The following CLSTN2 variants were observed in gnomAD, a reference collection of about 807,000 sequenced individuals.
CLSTN2 encodes calsyntenin-2.
A neutral mutation model predicts 101.2 loss-of-function variants in CLSTN2; 48 were observed. The observed-to-expected ratio is 0.47, with a 90% CI of 0.38 to 0.60. CLSTN2 has a LOEUF of 0.60. Ranked by LOEUF, CLSTN2 falls within the 20% of genes least tolerant of loss-of-function variation. The probability of loss-of-function intolerance (pLI) is 0.00; values close to 1 mark genes in which losing one functional copy is unlikely to be tolerated. For synonymous variants in CLSTN2, 481 were observed against 463.6 expected (o/e 1.04, Z -0.48); for missense variants, 1,160 against 1,238.2 (o/e 0.94, Z 0.95).
chr3:140,064,559 A>G (rs553842033), intron 1 of CLSTN2, among the ~76,000 whole-genome samples: 1 of 152,362 alleles, frequency 6.6e-6, no homozygotes, highest in South Asian at 2.1e-4. Context: ...TTACTAGAAC[A>G]ACCAAAACTT....
At chr3:140,338,959 C>T (rs2087467401) in intron 2 of CLSTN2, among the ~76,000 whole-genome samples, 1 of 152,278 alleles carries the variant, frequency 6.6e-6, no homozygotes, top group Admixed American at 6.5e-5. Context: ...GATGAGTATT[C>T]CCGCCGCCTG....
chr3:140,553,430 G>A (rs1935743472), intron 10 of CLSTN2, among the ~76,000 whole-genome samples: 1 of 152,138 alleles, frequency 6.6e-6, no homozygotes, highest in Non-Finnish European at 1.5e-5. Context: ...CTCCAAAGTT[G>A]CATTTTGTAC....
intron 1 of CLSTN2, among the ~76,000 whole-genome samples, chr3:139,987,551 C>T (rs902534578): frequency 3.9e-5 from 6 of 152,152 alleles, no homozygotes; most frequent in Admixed American, 6.5e-5. Context: ...ATTATGCCAT[C>T]GGCTTAGAGC....
At chr3:140,069,427 C>A (rs939434839) in intron 1 of CLSTN2, among the ~76,000 whole-genome samples, 6 of 152,160 alleles carry the variant, frequency 3.9e-5, no homozygotes, top group African/African-American at 1.4e-4. Context: ...AAAGCAGACC[C>A]CAACTAGTGG....
intron 2 of CLSTN2, among the ~76,000 whole-genome samples, chr3:140,311,287 CTTTTTTTTTTTTTTTTTTTTTTT>C: frequency 1.9e-5 from 1 of 52,064 alleles, no homozygotes; most frequent in Admixed American, 2.9e-4. Flanking sequence ...GTTTATTATC[CTTTTTTTTTTTTTTTTTTTTTTT>C]TTTTTTTTTT....
At chr3:140,297,804 G>A (rs528818842) in intron 2 of CLSTN2, among the ~76,000 whole-genome samples, 83 of 152,326 alleles carry the variant, frequency 5.4e-4, no homozygotes, top group African/African-American at 1.9e-3. Flanking sequence ...CTATGTGGCT[G>A]ATACGTGGGC....
intron 2 of CLSTN2, among the ~76,000 whole-genome samples, chr3:140,299,709 G>A (rs941152086): frequency 6.6e-6 from 1 of 152,176 alleles, no homozygotes; most frequent in African/African-American, 2.4e-5. Flanking sequence ...ATTGAAAAGT[G>A]ATTTTCAGAG....
chr3:140,080,104 A>G (rs2008563711), intron 1 of CLSTN2, among the ~76,000 whole-genome samples: 2 of 152,234 alleles, frequency 1.3e-5, no homozygotes, highest in South Asian at 4.1e-4. Flanking sequence ...GAGTGAGGCC[A>G]GAGTTCATAC....
chr3:140,214,979 G>C (rs921102827), intron 2 of CLSTN2, among the ~76,000 whole-genome samples: 4 of 152,164 alleles, frequency 2.6e-5, no homozygotes, highest in African/African-American at 9.7e-5. Flanking sequence ...AACACTTATG[G>C]ATTCTGCATT....
In CLSTN2 at chr3:140,556,561, A is replaced by G. The variant is rs1320163868; in HGVS notation, c.1723A>G (p.Ile575Val). 2 of 1,613,956 alleles carry G rather than the reference A, an allele frequency of 1.2e-6. No homozygotes were observed. Among genetic ancestry groups the G allele is most frequent in the African/African-American group, 1.3e-5 (1 of 74,914 alleles). ...CATCCTGGTGATGGAAGGTGACGAC[A>G]TTGGGAACATTAACCGTGCTCTCCA... ...QSILVMEGDD[I>V]GNINRALQKV... Residue 575 changes from isoleucine to valine, a missense_variant, in exon 11 of 17, where the codon ATT becomes GTT. By Grantham distance (29) the Ile-to-Val change is conservative (BLOSUM62 3). Transcript: ENST00000458420.
intron 1 of CLSTN2, among the ~76,000 whole-genome samples, chr3:140,004,582 C>G (rs936072181): frequency 2.2e-4 from 33 of 152,218 alleles, no homozygotes; most frequent in Non-Finnish European, 2.6e-4. Context: ...AGCTAGCTCC[C>G]TGCTGTTCAT....
chr3:140,467,662 G>T (rs189309287), intron 8 of CLSTN2, among the ~76,000 whole-genome samples: 1 of 151,864 alleles, frequency 6.6e-6, no homozygotes, highest in South Asian at 2.1e-4. Context: ...TCTTTACTTC[G>T]TCCAAAGCCC....
chr3:140,013,712 A>C (rs192052380), intron 1 of CLSTN2, among the ~76,000 whole-genome samples: 19 of 151,894 alleles, frequency 1.3e-4, no homozygotes, highest in Admixed American at 9.8e-4. Flanking sequence ...TGTCATAATC[A>C]CCAAACTAAA....
At chr3:140,049,887 T>C (rs2007957512) in intron 1 of CLSTN2, among the ~76,000 whole-genome samples, 1 of 152,168 alleles carries the variant, frequency 6.6e-6, no homozygotes, top group Non-Finnish European at 1.5e-5. Flanking sequence ...CCAGATCTCT[T>C]CTCTACTTTC....
chr3:140,074,394 A>G (rs2008451461), intron 1 of CLSTN2, among the ~76,000 whole-genome samples: 1 of 152,140 alleles, frequency 6.6e-6, no homozygotes, highest in Non-Finnish European at 1.5e-5. Context: ...GCATGTCGAC[A>G]ACCTGGGTTG....
intron 1 of CLSTN2, among the ~76,000 whole-genome samples, chr3:140,126,467 C>CAA (rs1038923220): frequency 8.6e-5 from 13 of 151,708 alleles, no homozygotes; most frequent in African/African-American, 3.1e-4. Context: ...CATACTTGTG[C>CAA]AAAAAAAGCC....
chr3:140,175,662 T>C (rs1352287613), intron 1 of CLSTN2, among the ~76,000 whole-genome samples: 1 of 152,190 alleles, frequency 6.6e-6, no homozygotes, highest in Non-Finnish European at 1.5e-5. Context: ...ATACAAATAA[T>C]GGGATTTTGA....
intron 1 of CLSTN2, among the ~76,000 whole-genome samples, chr3:139,953,383 C>T (rs1423999002): frequency 1.3e-5 from 2 of 152,118 alleles, no homozygotes; most frequent in African/African-American, 2.4e-5. Context: ...ACAAACCCAA[C>T]ATGTTCCCCC....
chr3:140,457,366 G>A (rs889088186), intron 6 of CLSTN2, among the ~76,000 whole-genome samples: 2 of 152,226 alleles, frequency 1.3e-5, no homozygotes, highest in African/African-American at 4.8e-5. Context: ...TTTGGTATCA[G>A]ACCCAACTTA....
Sources: allele counts gnomAD v4.1 joint callset (sites outside exome capture counted in the v4.1 genomes callset), GRCh38; gene constraint gnomAD v4.1.1; transcripts MANE v1.5; gene names NCBI Gene and HGNC (gene_info 2026-07-23, HGNC 2026-07-21).